The following USP50 variants were observed in gnomAD, a reference collection of about 807,000 sequenced individuals.
USP50 encodes the protein ubiquitin specific peptidase 50.
In USP50, 37 loss-of-function variants were observed where a neutral mutation model predicts 39.2. The observed-to-expected ratio is 0.94, with a 90% CI of 0.73 to 1.24. USP50 has a LOEUF of 1.24. Ranked by LOEUF, USP50 falls within the 50% of genes most tolerant of loss-of-function variation. The probability of loss-of-function intolerance (pLI) is 0.00; values close to 1 mark genes in which losing one functional copy is unlikely to be tolerated. For missense variants in USP50, 374 were observed against 398.2 expected (o/e 0.94, Z 0.52); for synonymous variants, 139 against 144.5 (o/e 0.96, Z 0.27).
downstream of USP50, among the ~76,000 whole-genome samples, chr15:50,496,406 T>A (rs3098179): frequency 2.9e-4 from 43 of 150,028 alleles, no homozygotes; most frequent in African/African-American, 9.8e-4. Context: ...GCGTGAACCC[T>A]GGAGGCGGAG....
At chr15:50,517,146 T>C (rs1233683264) in intron 6 of USP50, among the ~76,000 whole-genome samples, 2 of 152,176 alleles carry the variant, frequency 1.3e-5, no homozygotes, top group African/African-American at 4.8e-5. Context: ...TCCAGGATCA[T>C]ATGTTAGAGG....
intron 6 of USP50, among the ~76,000 whole-genome samples, chr15:50,519,217 G>A (rs2052828093): frequency 1.3e-5 from 2 of 152,138 alleles, no homozygotes; most frequent in Non-Finnish European, 2.9e-5. Context: ...AACCTGGGAA[G>A]CAGAGGCTGC....
At chr15:50,495,205 C>T (rs962048045) in intron 1 of USP50, among the ~76,000 whole-genome samples, 4 of 147,752 alleles carry the variant, frequency 2.7e-5, no homozygotes, top group African/African-American at 7.4e-5. Flanking sequence ...TATATATATA[C>T]ACACACACCT....
chr15:50,500,720 G>A lies in USP50; in HGVS notation c.*49C>T. ...TAGAACAGGAGATCCATAGCATTTT[G>A]AACAGAAGTATCTGGAATCTCACTG... On this transcript the variant is annotated 3_prime_UTR_variant, in exon 7 of 7. Coordinates refer to ENST00000532404, the MANE Select transcript of USP50 (RefSeq NM_203494.5). The A allele has an allele frequency of 1.3e-6, 2 of 1,522,864 alleles. No homozygotes were observed. The highest frequency in any genetic ancestry group is 1.8e-6 in the Non-Finnish European group (2 of 1,118,430). The allele number at this position is 1,522,864 out of a possible 1,614,324, so 94.3% of individuals were successfully genotyped here. A position where few individuals can be genotyped will look rare whatever the true frequency, so the allele number is the denominator to read the frequency against.
chr15:50,521,664 C>T (rs2052851685), intron 6 of USP50, among the ~76,000 whole-genome samples: 1 of 152,026 alleles, frequency 6.6e-6, no homozygotes, highest in African/African-American at 2.4e-5. Flanking sequence ...AAAAAGACAA[C>T]TCAAAATCAG....
chr15:50,542,067 G>A (rs1173992400), intron 3 of USP50, among the ~76,000 whole-genome samples: 2 of 149,538 alleles, frequency 1.3e-5, no homozygotes, highest in African/African-American at 4.9e-5. Flanking sequence ...AAAAAGATAA[G>A]AGAGCAAATC....
chr15:50,525,701 ATATATG>A (rs1566907753), intron 6 of USP50, among the ~76,000 whole-genome samples: 1 of 104,978 alleles, frequency 9.5e-6, no homozygotes, highest in African/African-American at 3.9e-5. Flanking sequence ...GTATATGTAT[ATATATG>A]TATATATGTA....
intron 5 of USP50, among the ~76,000 whole-genome samples, chr15:50,535,140 C>T (rs1467910718): frequency 1.3e-5 from 2 of 151,306 alleles, no homozygotes; most frequent in Non-Finnish European, 3.0e-5. Flanking sequence ...CTCTGTCACA[C>T]ACACACACAC....
downstream of USP50, chr15:50,493,747 C>T (rs2052266734): frequency 2.5e-6 from 1 of 407,074 alleles, no homozygotes; most frequent in African/African-American, 2.1e-5. Flanking sequence ...GACCCTATCT[C>T]AAAAAAGAGT....
rs1336542830 is a variant in USP50 at position 50,522,590 on chromosome 15, G to C, written c.936+7207C>G. 2.0e-5 allele frequency among the ~76,000 whole-genome samples: 3 copies of C among 152,092 alleles called. No homozygotes were observed. In the East Asian group the frequency reaches 5.8e-4, roughly 29 times the overall value. ...ACAGTACAAGAAAAGAAAATTACAA[G>C]GCAAGAGCCCTGATGAACATAGATG... On this transcript the variant is annotated intron_variant, in intron 6 of 6. Coordinates refer to ENST00000532404, the MANE Select transcript of USP50 (RefSeq NM_203494.5).
intron 6 of USP50, chr15:50,501,270 G>A (rs2052581865): frequency 6.5e-6 from 1 of 152,918 alleles, no homozygotes; most frequent in Admixed American, 6.5e-5. Flanking sequence ...GACCAGCCTG[G>A]GCAAAATAGC....
At chr15:50,514,244 G>A (rs1160978913) in intron 6 of USP50, 1 of 152,196 alleles carries the variant, frequency 6.6e-6, no homozygotes, top group African/African-American at 2.4e-5. Flanking sequence ...GAAGTCAGTG[G>A]TTTTCCAGAC....
intron 6 of USP50, chr15:50,507,351 T>C (rs1237481826): frequency 6.6e-6 from 1 of 152,144 alleles, no homozygotes; most frequent in East Asian, 1.9e-4. Flanking sequence ...TCAGAAAAGG[T>C]GTATTTCCCT....
At chr15:50,536,889 A>G (rs893871556) in intron 5 of USP50, among the ~76,000 whole-genome samples, 2 of 152,204 alleles carry the variant, frequency 1.3e-5, no homozygotes, top group African/African-American at 4.8e-5. Context: ...ATCTGTAAAT[A>G]CAATGCAATC....
intron 6 of USP50, among the ~76,000 whole-genome samples, chr15:50,519,696 A>C (rs1319186809): frequency 6.6e-6 from 1 of 151,650 alleles, no homozygotes; most frequent in South Asian, 2.1e-4. Flanking sequence ...GCCTGGGCAA[A>C]AGAGCGAGAC....
At chr15:50,496,094 A>G (rs1364037324), downstream of USP50, 5 of 1,563,286 alleles carry the variant, frequency 3.2e-6, no homozygotes, top group Non-Finnish European at 4.4e-6. Context: ...GGTAAGTTTA[A>G]GAAGTAGAGA....
At position 50,529,908 on chromosome 15, in the gene USP50, T is replaced by C. The variant is rs1423231411; in HGVS notation, c.825A>G (p.Thr275=). The C allele has an allele frequency of 1.2e-6, 2 of 1,613,994 alleles. No individual in the cohort carries two copies. Among genetic ancestry groups the C allele is most frequent in the South Asian group, 2.2e-5 (2 of 91,076 alleles). ...GAATATCCGTTCTCAGCTTCCTTTTTGTTGTACCCTGAATGTCAAACCTGC... is the reference window on the plus strand; with the variant it reads ...GAATATCCGTTCTCAGCTTCCTTTTCGTTGTACCCTGAATGTCAAACCTGC... ...HLKRFDIQGT[T]KRKLRTDIHY... is the part of the protein sequence containing the mutation. The change falls in exon 6 of 7, where the codon ACA becomes ACG. Residue 275 remains threonine, a synonymous_variant. Transcript: ENST00000532404.
downstream of USP50, chr15:50,496,149 G>T: frequency 7.6e-7 from 1 of 1,321,022 alleles, no homozygotes; most frequent in Non-Finnish European, 1.1e-6. Flanking sequence ...TGGATATAGA[G>T]ATGTAAATTT....
At chr15:50,542,064 T>C (rs1596021314) in intron 3 of USP50, among the ~76,000 whole-genome samples, 1 of 146,158 alleles carries the variant, frequency 6.8e-6, no homozygotes, top group African/African-American at 2.5e-5. Flanking sequence ...AAAAAAAAGA[T>C]AAGAGAGCAA....
Sources: allele counts gnomAD v4.1 joint callset (sites outside exome capture counted in the v4.1 genomes callset), GRCh38; gene constraint gnomAD v4.1.1; transcripts MANE v1.5; gene names NCBI Gene and HGNC (gene_info 2026-07-23, HGNC 2026-07-21).